Variants in FOXN2 observed in about 807,000 individuals in gnomAD.
FOXN2 encodes the protein forkhead box protein N2.
In FOXN2, 19 loss-of-function variants were observed where a neutral mutation model predicts 41.2. The ratio of observed to expected loss-of-function variants is 0.46; its 90% CI spans 0.32 to 0.68. The LOEUF (loss-of-function observed/expected upper bound fraction) is 0.68, where lower values mean the gene tolerates loss of function less well. Ranked by LOEUF, FOXN2 falls within the 30% of genes least tolerant of loss-of-function variation. The pLI is 0.03. For missense variants in FOXN2, 587 were observed against 509.4 expected (o/e 1.15, Z -1.47); for synonymous variants, 195 against 176.8 (o/e 1.10, Z -0.82).
intron 3 of FOXN2, among the ~76,000 whole-genome samples, chr2:48,355,073 A>G (rs1328408158): frequency 2.6e-5 from 4 of 152,136 alleles, no homozygotes; most frequent in Non-Finnish European, 5.9e-5. Context: ...CCCTAGAGTA[A>G]CATTCATAGT....
intron 1 of FOXN2, among the ~76,000 whole-genome samples, chr2:48,324,334 A>C (rs1315085869): frequency 6.6e-6 from 1 of 151,888 alleles, no homozygotes; most frequent in Non-Finnish European, 1.5e-5. Context: ...AGCTGGGATT[A>C]CAGGCACCTA....
At chr2:48,328,450 A>G (rs1254285513) in intron 1 of FOXN2, 111 bp from the exon 2 acceptor site, 1 of 152,222 alleles carries the variant, frequency 6.6e-6, no homozygotes, top group Non-Finnish European at 1.5e-5. Flanking sequence ...TGCTATATAA[A>G]TAGTTGTTAA....
rs185845576 is a variant in FOXN2, at chr2:48,327,060, G to T, written c.-156-1501G>T. Among the ~76,000 whole-genome samples the T allele has an allele frequency of 3.3e-3, 498 of 152,156 alleles. 5 individuals carry two copies. The highest frequency in any genetic ancestry group is 0.011 in the African/African-American group (474 of 41,504). On this transcript the variant is annotated intron_variant, in intron 1 of 6. Coordinates refer to ENST00000340553, the MANE Select transcript of FOXN2 (RefSeq NM_002158.4). ...GTGGACAGATTTCAGAGGTATTTCAGATTTAATGACTCCAAAATTTATCTC... is the reference window on the plus strand; with the variant it reads ...GTGGACAGATTTCAGAGGTATTTCATATTTAATGACTCCAAAATTTATCTC...
Position 48,337,055 on chromosome 2 carries a change from CTTT to C in FOXN2, c.-15+8365_-15+8367del, listed in dbSNP as rs200701986. ...GCTATCAAATAGTAGGTCTTATTCACTTTTTTTTTTTTTTGTACTCATTAACCA... is the reference window on the plus strand; with the variant it reads ...GCTATCAAATAGTAGGTCTTATTCACTTTTTTTTTTTGTACTCATTAACCA... On this transcript the variant is annotated intron_variant, in intron 2 of 6. Coordinates refer to ENST00000340553, the MANE Select transcript of FOXN2 (RefSeq NM_002158.4). Among the ~76,000 whole-genome samples, 123 of 143,690 alleles carry C rather than the reference CTTT, an allele frequency of 8.6e-4. 1 individual carries two copies. Among genetic ancestry groups the C allele is most frequent in the African/African-American group, 2.9e-3 (114 of 39,308 alleles). The allele number at this position is 143,690 out of a possible 152,430, so 94.3% of individuals were successfully genotyped here.
chr2:48,333,987 C>G (rs1375418915), intron 2 of FOXN2, among the ~76,000 whole-genome samples: 1 of 151,974 alleles, frequency 6.6e-6, no homozygotes, highest in South Asian at 2.1e-4. Context: ...GGATTGCAGA[C>G]CTGAATAATC....
chr2:48,348,909 T>C (rs996828801), intron 3 of FOXN2, among the ~76,000 whole-genome samples: 2 of 152,232 alleles, frequency 1.3e-5, no homozygotes, highest in Admixed American at 1.3e-4. Context: ...TAGATTGCTA[T>C]TGCTTGTTAC....
At chr2:48,357,023 C>G (rs560543521) in intron 3 of FOXN2, among the ~76,000 whole-genome samples, 3 of 152,262 alleles carry the variant, frequency 2.0e-5, no homozygotes, top group East Asian at 3.9e-4. Context: ...AGGACCAAAG[C>G]TTTTAAGTGG....
intron 5 of FOXN2, among the ~76,000 whole-genome samples, chr2:48,363,040 C>T (rs887812352): frequency 3.9e-5 from 6 of 152,044 alleles, no homozygotes; most frequent in Non-Finnish European, 7.4e-5. Context: ...ATACTCCTTC[C>T]ACCAATTAAA....
At chr2:48,322,350 T>G (rs1186990792) in intron 1 of FOXN2, among the ~76,000 whole-genome samples, 1 of 152,212 alleles carries the variant, frequency 6.6e-6, no homozygotes, top group Non-Finnish European at 1.5e-5. Flanking sequence ...AACAAATGTG[T>G]AACTTAGTGA....
intron 2 of FOXN2, among the ~76,000 whole-genome samples, chr2:48,336,862 G>A (rs1416457685): frequency 2.0e-5 from 3 of 151,902 alleles, no homozygotes; most frequent in Non-Finnish European, 4.4e-5. Flanking sequence ...TATGGGGTAC[G>A]TGAGATGTTT....
At chr2:48,358,609 G>A (rs2104451100) in intron 3 of FOXN2, among the ~76,000 whole-genome samples, 1 of 152,268 alleles carries the variant, frequency 6.6e-6, no homozygotes, top group Admixed American at 6.5e-5. Flanking sequence ...GTGGGAAATG[G>A]AAGGACTCTG....
chr2:48,325,358 G>A (rs1207509730), intron 1 of FOXN2, among the ~76,000 whole-genome samples: 1 of 152,046 alleles, frequency 6.6e-6, no homozygotes. Context: ...TTACCAATAA[G>A]CATTCAATGA....
chr2:48,341,682 C>T (rs377726172), intron 2 of FOXN2, among the ~76,000 whole-genome samples: 2 of 152,138 alleles, frequency 1.3e-5, no homozygotes, highest in Non-Finnish European at 2.9e-5. Context: ...TGTGGCCAAG[C>T]TGTGCCAAGA....
chr2:48,349,102 A>G (rs1332877483), intron 3 of FOXN2, among the ~76,000 whole-genome samples: 1 of 152,118 alleles, frequency 6.6e-6, no homozygotes, highest in Non-Finnish European at 1.5e-5. Flanking sequence ...AGCAAAATGT[A>G]CTCTTTAATG....
At chr2:48,324,976 AGTT>A (rs1220726292) in intron 1 of FOXN2, among the ~76,000 whole-genome samples, 3 of 152,240 alleles carry the variant, frequency 2.0e-5, no homozygotes, top group South Asian at 2.1e-4. Flanking sequence ...TAGACAATCC[AGTT>A]GTTAGAATAT....
At chr2:48,368,281 C>A (rs748092657) in intron 5 of FOXN2, among the ~76,000 whole-genome samples, 1 of 152,086 alleles carries the variant, frequency 6.6e-6, no homozygotes, top group African/African-American at 2.4e-5. Flanking sequence ...AAAAACAGAG[C>A]CACCTTTAAA....
chr2:48,318,107 A>G (rs1410980125), intron 1 of FOXN2, among the ~76,000 whole-genome samples: 1 of 152,162 alleles, frequency 6.6e-6, no homozygotes, highest in Non-Finnish European at 1.5e-5. Context: ...TAGTTACAGA[A>G]AAGTTGCAAG....
chr2:48,328,400 T>C (rs1415833674), intron 1 of FOXN2, among the ~76,000 whole-genome samples, 161 bp from the exon 2 acceptor site: 1 of 152,232 alleles, frequency 6.6e-6, no homozygotes, highest in Non-Finnish European at 1.5e-5. Context: ...TACTGTACTT[T>C]AAGTCTCTAG....
chr2:48,352,984 A>C (rs1293640578), intron 3 of FOXN2, among the ~76,000 whole-genome samples: 3 of 152,024 alleles, frequency 2.0e-5, no homozygotes, highest in Non-Finnish European at 4.4e-5. Context: ...TCTTCCCCTC[A>C]TTTCTCATCA....
Sources: allele counts gnomAD v4.1 joint callset (sites outside exome capture counted in the v4.1 genomes callset), GRCh38; gene constraint gnomAD v4.1.1; transcripts MANE v1.5; gene names NCBI Gene and HGNC (gene_info 2026-07-23, HGNC 2026-07-21).